Variants in NIN observed in about 807,000 individuals in gnomAD.
NIN encodes the protein ninein, also known as glycogen synthase kinase 3 beta-interacting protein.
Under a neutral mutation model 257.6 loss-of-function variants are expected in NIN, and 137 were observed. The ratio of observed to expected loss-of-function variants is 0.53; its 90% CI spans 0.46 to 0.61. The LOEUF is 0.61. Among genes scored for constraint, NIN ranks in the 20% least tolerant of loss-of-function variants. NIN has a pLI of 0.00. For synonymous variants in NIN, 918 were observed against 919.8 expected, an observed-to-expected ratio of 1.00 and a Z score of 0.04; for missense variants, 2,439 against 2,501.2, an observed-to-expected ratio of 0.98 and a Z score of 0.53.
intron 6 of NIN, 129 bp downstream of exon 6, chr14:50,778,636 A>T (rs1774097700): frequency 1.3e-6 from 1 of 784,254 alleles, no homozygotes. Context: ...TTGGGAATAA[A>T]TTTTTTGTTG....
rs1566807582 is a variant in NIN at position 50,754,836 on chromosome 14, A to G, written c.4570T>C (p.Ser1524Pro). Residue 1524 changes from serine (S) to proline (P), a missense_variant, in exon 19 of 31, where the codon TCT (serine) becomes CCT (proline). Transcript: ENST00000530997. ...YESEKLQQENSILRNEITTLN... is the reference protein window; with the variant it reads ...YESEKLQQENPILRNEITTLN... ...GTAGTAATTTCATTTCTCAAAATAG[A>G]ATTTTCCTGTTGAAGCTTTTCAGAT... 6.3e-7 allele frequency: 1 copy of G among 1,579,694 alleles called. No homozygotes were observed. Among genetic ancestry groups the G allele is most frequent in the East Asian group, 2.3e-5 (1 of 44,310 alleles).
intron 3 of NIN, among the ~76,000 whole-genome samples, chr14:50,810,035 T>C (rs578225029): frequency 6.4e-4 from 97 of 151,946 alleles, no homozygotes; most frequent in African/African-American, 2.2e-3. Flanking sequence ...ATCGAGACCA[T>C]CCTGGCTAAC....
At position 50,722,031 on chromosome 14, in the gene NIN, C is replaced by G. The variant is rs1379643168; in HGVS notation, c.*1432G>C. The G allele has an allele frequency of 4.4e-6, 1 of 229,230 alleles. No homozygotes were observed. The highest frequency in any genetic ancestry group is 8.7e-6 in the Non-Finnish European group (1 of 115,566). The allele number at this position is 229,230 out of a possible 1,614,324, so 14.2% of individuals were successfully genotyped here. On this transcript the variant is annotated 3_prime_UTR_variant, in exon 31 of 31. Transcript: ENST00000530997. The stretch of plus-strand genomic sequence containing the variant: ...TGGGCTTGGCCCTCCAGGAATATAT[C>G]AAAGCGAACTTTTCGGATTATTGTC...
At chr14:50,821,231 T>C (rs988209225) in intron 3 of NIN, among the ~76,000 whole-genome samples, 9 of 152,308 alleles carry the variant, frequency 5.9e-5, no homozygotes, top group African/African-American at 1.7e-4. Context: ...ATATCCACCA[T>C]TGGCAAGAGG....
chr14:50,734,280 C>G (rs1474579552), intron 28 of NIN, among the ~76,000 whole-genome samples: 1 of 151,736 alleles, frequency 6.6e-6, no homozygotes, highest in Non-Finnish European at 1.5e-5. Flanking sequence ...TTAGTAGAGA[C>G]AGGGTTTCAC....
chr14:50,776,510 G>A (rs930961007), intron 7 of NIN, among the ~76,000 whole-genome samples: 3 of 152,150 alleles, frequency 2.0e-5, no homozygotes, highest in African/African-American at 7.2e-5. Flanking sequence ...TAAGAACTCA[G>A]AGATGATATT....
At chr14:50,744,411 G>C (rs1566794936) in intron 22 of NIN, 46 bp from the exon 23 acceptor site, 3 of 1,601,826 alleles carry the variant, frequency 1.9e-6, no homozygotes, top group South Asian at 2.2e-5. Context: ...TCTCATGGCT[G>C]TAAGTACAAA....
At chr14:50,797,888 T>C (rs530261582) in intron 4 of NIN, among the ~76,000 whole-genome samples, 1 of 150,092 alleles carries the variant, frequency 6.7e-6, no homozygotes, top group South Asian at 2.1e-4. Context: ...GCAAGAGATA[T>C]AGATGTGGGA....
At chr14:50,727,135 A>T (rs201012144) in intron 29 of NIN, 1 of 232,250 alleles carries the variant, frequency 4.3e-6, no homozygotes, top group Non-Finnish European at 6.3e-6. Flanking sequence ...ATACAAAATG[A>T]TGTCTATTTG....
chr14:50,761,199 G>C (rs557767126), intron 16 of NIN, among the ~76,000 whole-genome samples: 4 of 152,180 alleles, frequency 2.6e-5, no homozygotes, highest in Non-Finnish European at 2.9e-5. Flanking sequence ...TCACATTTTA[G>C]TTGGAGAAAT....
chr14:50,829,241 T>C (rs1240327131), intron 2 of NIN, among the ~76,000 whole-genome samples: 1 of 152,132 alleles, frequency 6.6e-6, no homozygotes, highest in African/African-American at 2.4e-5. Flanking sequence ...GTAATGTTCC[T>C]CCTATACACA....
intron 3 of NIN, among the ~76,000 whole-genome samples, chr14:50,813,160 A>G (rs1055506149): frequency 3.3e-5 from 5 of 152,208 alleles, no homozygotes; most frequent in Non-Finnish European, 7.3e-5. Flanking sequence ...CCGGTGGGCT[A>G]ACTATGTTCA....
intron 2 of NIN, chr14:50,823,261 A>C (rs1477181364): frequency 1.7e-6 from 1 of 576,678 alleles, no homozygotes; most frequent in South Asian, 1.4e-5. Context: ...GATGCAATGG[A>C]TGCCAAACAC....
chr14:50,798,976 A>G (rs2043962894), intron 4 of NIN, among the ~76,000 whole-genome samples: 1 of 152,166 alleles, frequency 6.6e-6, no homozygotes, highest in African/African-American at 2.4e-5. Context: ...ACGGGGTTTC[A>G]CCACGTTGGC....
At chr14:50,725,750 CAG>C (rs1218395012) in intron 30 of NIN, 28 of 849,772 alleles carry the variant, frequency 3.3e-5, no homozygotes, top group East Asian at 2.6e-4. Context: ...ATGCCTTAAA[CAG>C]AGCTTTGGAA....
At chr14:50,749,021 G>C (rs1009541526) in intron 21 of NIN, among the ~76,000 whole-genome samples, 2 of 152,152 alleles carry the variant, frequency 1.3e-5, no homozygotes, top group African/African-American at 2.4e-5. Context: ...TAAGCAAAAA[G>C]AACAAAGCTG....
intron 28 of NIN, among the ~76,000 whole-genome samples, chr14:50,731,833 TAAATAAA>T (rs1825079464): frequency 6.6e-6 from 1 of 152,018 alleles, no homozygotes; most frequent in Non-Finnish European, 1.5e-5. Context: ...TAAAAATAAA[TAAATAAA>T]AAAGATTATT....
At position 50,761,778 on chromosome 14, in the gene NIN, G is replaced by A; in HGVS notation, c.1896+12C>T. 1 of 1,613,942 alleles carries A rather than the reference G, an allele frequency of 6.2e-7. No individual in the cohort carries two copies. Among genetic ancestry groups the A allele is most frequent in the South Asian group, 1.1e-5 (1 of 91,068 alleles). ...AAGAAATTAGAGAAGTGGATTGGTGGGAAGGACTTACTTTATCTTCGAGCT... is the reference window on the plus strand; with the variant it reads ...AAGAAATTAGAGAAGTGGATTGGTGAGAAGGACTTACTTTATCTTCGAGCT... On this transcript the variant is annotated intron_variant, in intron 16 of 30. Coordinates refer to ENST00000530997, the MANE Select transcript of NIN (RefSeq NM_020921.4).
chr14:50,729,717 G>A lies in NIN; in HGVS notation c.5884C>T (p.His1962Tyr), dbSNP rs1352035714. The A allele has an allele frequency of 6.3e-7, 1 of 1,599,196 alleles. No homozygotes were observed. Among genetic ancestry groups the A allele is most frequent in the South Asian group, 1.1e-5 (1 of 89,026 alleles). ...KLDEQLMEMQ[H>Y]LRSTATPSPS... ...CTAGGCGTCGCAGTGGACCTCAGGT[G>A]CTGCATCTGAAGGACAAGGGCAAAG... is the stretch of plus-strand genomic sequence containing the variant. The change falls in exon 29 of 31, where the codon CAC becomes TAC. Residue 1962 changes from histidine to tyrosine, a missense_variant. By Grantham distance (83) the His-to-Tyr change is moderately conservative. Around this residue, in one of 3 missense-constraint regions of NIN, gnomAD observed 2,043 missense variants for 2,050.2 expected, o/e 1.00. Transcript: ENST00000530997.
Sources: gnomAD v4.1 joint callset for allele counts (sites outside exome capture counted in the v4.1 genomes callset) on GRCh38, gnomAD v4.1.1 for gene constraint, gnomAD v4.1.1 regional missense constraint, MANE v1.5 for transcripts, NCBI Gene and HGNC (gene_info 2026-07-23, HGNC 2026-07-21) for gene names.